TMEM100: variants seen among roughly 807,000 people sequenced by gnomAD.
The protein encoded by TMEM100 is transmembrane protein 100.
For missense variants in TMEM100, 137 were observed against 168.2 expected, an observed-to-expected ratio of 0.81 and a Z score of 1.02; for synonymous variants, 61 against 67.1, an observed-to-expected ratio of 0.91 and a Z score of 0.44.
intron 1 of TMEM100, among the ~76,000 whole-genome samples, chr17:55,731,179 G>C (rs1909196965): frequency 6.6e-6 from 1 of 152,056 alleles, no homozygotes; most frequent in African/African-American, 2.4e-5. Flanking sequence ...TTTATTTCTT[G>C]CTATTTATTT....
At chr17:55,723,342 T>C (rs899335926), upstream of TMEM100, among the ~76,000 whole-genome samples, 2 of 152,198 alleles carry the variant, frequency 1.3e-5, no homozygotes, top group African/African-American at 4.8e-5. Flanking sequence ...GATAGTCATC[T>C]GAAGCTTAAA....
upstream of TMEM100, among the ~76,000 whole-genome samples, chr17:55,727,254 A>G (rs1429084383): frequency 2.6e-5 from 4 of 152,208 alleles, no homozygotes; most frequent in Admixed American, 1.3e-4. Context: ...TACATTTTGC[A>G]TCGCATTTTA....
upstream of TMEM100, among the ~76,000 whole-genome samples, chr17:55,723,338 C>T (rs1332533293): frequency 6.6e-6 from 1 of 152,124 alleles, no homozygotes; most frequent in Non-Finnish European, 1.5e-5. Flanking sequence ...GCGTGATAGT[C>T]ATCTGAAGCT....
At position 55,722,781 on chromosome 17, in the gene TMEM100, T is replaced by TA. The variant is rs796655356; in HGVS notation, c.-229dup. 2.0e-5 allele frequency: 3 copies of TA among 152,318 alleles called. No individual in the cohort carries two copies. Among genetic ancestry groups the TA allele is most frequent in the African/African-American group, 7.2e-5 (3 of 41,548 alleles). 9.4% of individuals were successfully genotyped at this position (152,318 alleles called of 1,614,324 possible). On this transcript the variant is annotated 5_prime_UTR_variant, in exon 1 of 2. Transcript: ENST00000424486. ...TCTCTTCTGGGGAAAGGAAAAGATG[T>TA]AAAAATACTTTACTATAGGGTCTGC...
intron 1 of TMEM100, chr17:55,731,555 C>T (rs1365898545): frequency 2.0e-5 from 3 of 152,098 alleles, no homozygotes; most frequent in African/African-American, 4.8e-5. Context: ...AGAACTGAGA[C>T]AAGACAACTT....
At chr17:55,727,939 G>C (rs1018847988) in exon 2 of TMEM100, 3 of 152,192 alleles carry the variant, frequency 2.0e-5, no homozygotes, top group Admixed American at 1.3e-4. Flanking sequence ...GGCTTGGTAA[G>C]AGGAGCATGG....
chr17:55,725,532 A>C (rs1335179531), upstream of TMEM100, among the ~76,000 whole-genome samples: 1 of 152,202 alleles, frequency 6.6e-6, no homozygotes, highest in African/African-American at 2.4e-5. Flanking sequence ...TGCCCTGCCA[A>C]GAGCAACCCA....
intron 1 of TMEM100, chr17:55,721,757 A>G (rs1235992321): frequency 6.6e-6 from 1 of 152,212 alleles, no homozygotes; most frequent in African/African-American, 2.4e-5. Flanking sequence ...AGTTCAGCAA[A>G]AAATTCATTG....
At chr17:55,721,278 C>T (rs1908878616) in intron 1 of TMEM100, 143 bp from the exon 2 acceptor site, 2 of 570,868 alleles carry the variant, frequency 3.5e-6, no homozygotes, top group African/African-American at 3.7e-5. Flanking sequence ...GAATTGGTTG[C>T]ATTCTCTTTG....
chr17:55,729,965 G>C (rs1271568205), intron 1 of TMEM100, among the ~76,000 whole-genome samples: 1 of 152,160 alleles, frequency 6.6e-6, no homozygotes, highest in Non-Finnish European at 1.5e-5. Context: ...GAAGGTTCTT[G>C]TCTTGCCACT....
chr17:55,721,007 C>T lies in TMEM100; in HGVS notation c.64G>A (p.Glu22Lys), dbSNP rs756172311. 13 of 1,614,054 alleles carry T rather than the reference C, an allele frequency of 8.1e-6. No individual in the cohort carries two copies. The highest frequency in any genetic ancestry group is 1.0e-5 in the Non-Finnish European group (12 of 1,180,030). ...APKAHMAATMEKSPKSEVVIT... is the reference protein window; with the variant it reads ...APKAHMAATMKKSPKSEVVIT... The stretch of plus-strand genomic sequence containing the variant: ...ACAACTTCACTCTTGGGGCTCTTCT[C>T]CATCGTCGCTGCCATGTGAGCCTTT... Residue 22 changes from glutamate to lysine, a missense_variant, in exon 2 of 2, where the codon GAG (glutamate) becomes AAG (lysine). Coordinates refer to ENST00000424486, the MANE Select transcript of TMEM100 (RefSeq NM_018286.3).
Position 55,720,537 on chromosome 17 carries a change from T to TC in TMEM100, c.*128dup. The TC allele has an allele frequency of 2.2e-6, 1 of 461,008 alleles. No homozygotes were observed. The highest frequency in any genetic ancestry group is 4.1e-6 in the Non-Finnish European group (1 of 244,956). 28.6% of individuals were successfully genotyped at this position (461,008 alleles called of 1,614,324 possible). A position where few individuals can be genotyped will look rare whatever the true frequency, so the allele number is the denominator to read the frequency against. On this transcript the variant is annotated 3_prime_UTR_variant, in exon 2 of 2. Coordinates refer to ENST00000424486, the MANE Select transcript of TMEM100 (RefSeq NM_018286.3). ...TCACAAAGGAGAAGCCCCTCCACCC[T>TC]CCCACCCCCATTCTTCCAGTCTGCT...
At chr17:55,727,982 G>T (rs1023112345) in exon 2 of TMEM100, 2 of 152,118 alleles carry the variant, frequency 1.3e-5, no homozygotes, top group African/African-American at 4.8e-5. Flanking sequence ...TTTTAATTTT[G>T]CTGAGAAAGA....
upstream of TMEM100, among the ~76,000 whole-genome samples, chr17:55,727,251 T>C (rs182304989): frequency 4.6e-5 from 7 of 152,364 alleles, no homozygotes; most frequent in East Asian, 1.3e-3. Flanking sequence ...CCATACATTT[T>C]GCATCGCATT....
Position 55,720,897 on chromosome 17 carries a change from G to A in TMEM100, c.174C>T (p.Ile58=). The change falls in exon 2 of 2, where the codon ATC becomes ATT. Residue 58 remains isoleucine (I), a synonymous_variant. Transcript: ENST00000424486. ...GTELSCYRCI[I]PFAVVVFIAG... ...CGATGAAGACAACCACAGCAAAGGGGATGATGCAGCGGTAGCAGGAGAGCT... is the reference window on the plus strand; with the variant it reads ...CGATGAAGACAACCACAGCAAAGGGAATGATGCAGCGGTAGCAGGAGAGCT... 5 of 1,614,230 alleles carry A rather than the reference G, an allele frequency of 3.1e-6. No individual in the cohort carries two copies. Among genetic ancestry groups the A allele is most frequent in the Non-Finnish European group, 3.4e-6 (4 of 1,180,042 alleles).
chr17:55,727,475 C>T (rs924743088), upstream of TMEM100, among the ~76,000 whole-genome samples: 1 of 152,040 alleles, frequency 6.6e-6, no homozygotes, highest in African/African-American at 2.4e-5. Flanking sequence ...GGGAAGGGAT[C>T]ACAATGACCT....
chr17:55,728,531 A>T (rs1268699688), intron 1 of TMEM100, among the ~76,000 whole-genome samples: 1 of 152,244 alleles, frequency 6.6e-6, no homozygotes, highest in Non-Finnish European at 1.5e-5. Flanking sequence ...CATAGCAGTC[A>T]GGCCACTTCA....
chr17:55,724,914 C>A (rs1909022933), upstream of TMEM100, among the ~76,000 whole-genome samples: 1 of 152,170 alleles, frequency 6.6e-6, no homozygotes, highest in Non-Finnish European at 1.5e-5. Context: ...GGCTCAGGTG[C>A]CTCATTCACA....
upstream of TMEM100, among the ~76,000 whole-genome samples, chr17:55,723,220 A>G (rs1392432805): frequency 2.6e-5 from 4 of 152,200 alleles, no homozygotes; most frequent in Non-Finnish European, 5.9e-5. Context: ...CCGAGGGGAC[A>G]GATACTCTAG....
Sources: allele counts gnomAD v4.1 joint callset (sites outside exome capture counted in the v4.1 genomes callset), GRCh38; gene constraint gnomAD v4.1.1; transcripts MANE v1.5; gene names NCBI Gene and HGNC (gene_info 2026-07-23, HGNC 2026-07-21).